Variants in CCT3 observed in about 807,000 individuals in gnomAD.
CCT3 encodes chaperonin containing TCP1 subunit 3, also known as T-complex protein 1 subunit gamma.
CCT3 carries 10 observed loss-of-function variants against 65.3 expected under a neutral mutation model. The observed-to-expected ratio is 0.15, with a 90% confidence interval of 0.09 to 0.26. The LOEUF is 0.26. Ranked by LOEUF, CCT3 falls within the 10% of genes least tolerant of loss-of-function variation. CCT3 has a pLI of 1.00. For synonymous variants in CCT3, 225 were observed against 242.3 expected (o/e 0.93, Z 0.66); for missense variants, 626 against 708.7 (o/e 0.88, Z 1.33).
Position 156,310,986 on chromosome 1 carries a change from A to G in CCT3, c.1365T>C (p.Cys455=), listed in dbSNP as rs1664062899. The G allele has an allele frequency of 3.7e-6, 6 of 1,614,178 alleles. No homozygotes were observed. The highest frequency in any genetic ancestry group is 2.7e-5 in the African/African-American group (2 of 75,056). ...TAAGTAGACGGATGGTGCTGGCCCC[A>G]CAGTTCTGGATCAGGGTACGAGGAA... ...EVIPRTLIQN[C]GASTIRLLTS... is the part of the protein sequence containing the mutation. Residue 455 remains cysteine (C), a synonymous_variant, in exon 12 of 14, where the codon TGT becomes TGC. Coordinates refer to ENST00000295688, the MANE Select transcript of CCT3 (RefSeq NM_005998.5).
chr1:156,312,260 A>C (rs1297773371), intron 10 of CCT3, 39 bp from the exon 11 acceptor site: 6 of 1,593,154 alleles, frequency 3.8e-6, no homozygotes, highest in Non-Finnish European at 5.1e-6. Context: ...AGATGATTTC[A>C]GATACTTGTA....
chr1:156,333,706 G>C, intron 4 of CCT3, 63 bp from the exon 5 acceptor site: 1 of 1,252,320 alleles, frequency 8.0e-7, no homozygotes, highest in East Asian at 2.3e-5. Flanking sequence ...ATGAAGCTTG[G>C]CCCTAACTCT....
chr1:156,319,052 C>G, intron 7 of CCT3, 35 bp from the exon 8 acceptor site: 2 of 1,545,068 alleles, frequency 1.3e-6, no homozygotes, highest in Non-Finnish European at 1.8e-6. Flanking sequence ...AATCCACAAT[C>G]AAGAGACAAT....
At chr1:156,327,281 C>T (rs925551590) in intron 5 of CCT3, among the ~76,000 whole-genome samples, 1 of 152,086 alleles carries the variant, frequency 6.6e-6, no homozygotes, top group South Asian at 2.1e-4. Flanking sequence ...CTCCCCTCTC[C>T]CCTCTCCCTC....
rs781492850 is a variant in CCT3 at position 156,337,084 on chromosome 1, G to A, written c.31+1070C>T. 17 of 1,285,802 alleles carry A rather than the reference G, an allele frequency of 1.3e-5. No homozygotes were observed. In the South Asian group the frequency reaches 2.0e-4, roughly 15 times the overall value. 79.6% of individuals were successfully genotyped at this position (1,285,802 alleles called of 1,614,324 possible). A position where few individuals can be genotyped will look rare whatever the true frequency, so the allele number is the denominator to read the frequency against. ...CACACAGAATGGAAACATACCAAAGGAAGACAATGGAGGTGGTGCTCATCA... is the reference window on the plus strand; with the variant it reads ...CACACAGAATGGAAACATACCAAAGAAAGACAATGGAGGTGGTGCTCATCA... On this transcript the variant is annotated intron_variant, in intron 1 of 13. Coordinates refer to ENST00000295688, the MANE Select transcript of CCT3 (RefSeq NM_005998.5).
chr1:156,315,755 ACT>A (rs1328102702), intron 10 of CCT3, among the ~76,000 whole-genome samples: 1 of 152,138 alleles, frequency 6.6e-6, no homozygotes, highest in African/African-American at 2.4e-5. Context: ...ACTAGTCATC[ACT>A]ACTATAACCA....
chr1:156,337,824 A>G, intron 1 of CCT3: 1 of 398,614 alleles, frequency 2.5e-6, no homozygotes. Context: ...TTATTCGTGC[A>G]GCTACATAGC....
At chr1:156,333,360 C>A (rs1376011292) in intron 5 of CCT3, 187 bp downstream of exon 5, 1 of 549,842 alleles carries the variant, frequency 1.8e-6, no homozygotes, top group South Asian at 2.2e-5. Context: ...AGTTTATCAG[C>A]CAGATTTGCA....
In CCT3 at chr1:156,325,014, C is replaced by T. The variant is rs775521995; in HGVS notation, c.380G>A (p.Arg127His). 38 of 1,613,278 alleles carry T rather than the reference C, an allele frequency of 2.4e-5. No individual in the cohort carries two copies. The highest frequency in any genetic ancestry group is 3.3e-5 in the South Asian group (3 of 91,070). Reference sequence around the variant, plus strand: ...GCTGATCATATCATCCAATGCCTTGCGGTAAGCACTGATCACCACTGTTGG... The same window carrying T: ...GCTGATCATATCATCCAATGCCTTGTGGTAAGCACTGATCACCACTGTTGG... ...MHPTVVISAY[R>H]KALDDMISTL... The change falls in exon 6 of 14, where the codon CGC becomes CAC. Residue 127 changes from arginine (R) to histidine (H), a missense_variant. Physicochemically the swap from Arg to His is conservative, Grantham distance 29 (BLOSUM62 0). Transcript: ENST00000295688.
Position 156,318,931 on chromosome 1 carries a change from A to G in CCT3, c.696T>C (p.Tyr232=). The stretch of plus-strand genomic sequence containing the variant: ...GCAGCACAATGCGAGGGTTCTTGAT[A>G]TAGCGCCGCATACGTGGATGGGTCA... ...KDVTHPRMRR[Y]IKNPRIVLLD... The change falls in exon 8 of 14, where the codon TAT becomes TAC. Residue 232 remains tyrosine, a synonymous_variant. Coordinates refer to ENST00000295688, the MANE Select transcript of CCT3 (RefSeq NM_005998.5). 1 of 1,614,152 alleles carries G rather than the reference A, an allele frequency of 6.2e-7. No individual in the cohort carries two copies. Among genetic ancestry groups the G allele is most frequent in the African/African-American group, 1.3e-5 (1 of 75,042 alleles).
In CCT3 at chr1:156,334,763, G is replaced by C; in HGVS notation, c.157C>G (p.Pro53Ala). 1 of 1,613,946 alleles carries C rather than the reference G, an allele frequency of 6.2e-7. No homozygotes were observed. Among genetic ancestry groups the C allele is most frequent in the South Asian group, 1.1e-5 (1 of 91,066 alleles). ...PKSMMKMLLD[P>A]MGGIVMTNDG... ...TTGGTCATCACAATGCCTCCCATTG[G>C]GTCCAAAAGCATCTAAGATGAAAGC... The change falls in exon 4 of 14, where the codon CCA (proline) becomes GCA (alanine). Residue 53 changes from proline (P) to alanine (A), a missense_variant. Coordinates refer to ENST00000295688, the MANE Select transcript of CCT3 (RefSeq NM_005998.5).
At chr1:156,327,624 G>A (rs563641207) in intron 5 of CCT3, among the ~76,000 whole-genome samples, 2 of 152,148 alleles carry the variant, frequency 1.3e-5, no homozygotes, top group Admixed American at 1.3e-4. Flanking sequence ...GTGCAGTGGC[G>A]TGATCTCGGC....
At chr1:156,323,454 T>G (rs950902343) in intron 6 of CCT3, among the ~76,000 whole-genome samples, 1 of 151,864 alleles carries the variant, frequency 6.6e-6, no homozygotes, top group African/African-American at 2.4e-5. Flanking sequence ...GGAAAAAATA[T>G]ACATTTTTAT....
intron 11 of CCT3, 74 bp downstream of exon 11, chr1:156,311,967 T>G: frequency 1.6e-6 from 2 of 1,253,236 alleles, no homozygotes; most frequent in South Asian, 1.8e-5. Context: ...ACAGAATTAT[T>G]TTAGGCCCTT....
chr1:156,337,863 C>A (rs1270265754), intron 1 of CCT3: 10 of 491,212 alleles, frequency 2.0e-5, no homozygotes, highest in Admixed American at 1.8e-4. Context: ...GGCGCAGGGG[C>A]GGGGGAAGCG....
intron 5 of CCT3, among the ~76,000 whole-genome samples, chr1:156,331,691 A>G (rs1241282785): frequency 6.6e-6 from 1 of 150,496 alleles, no homozygotes; most frequent in Non-Finnish European, 1.5e-5. Flanking sequence ...TCAAAAACAT[A>G]AATAAATAAA....
In CCT3 at chr1:156,318,794, C is replaced by T. The variant is rs369021740; in HGVS notation, c.759+74G>A. On this transcript the variant is annotated intron_variant, in intron 8 of 13. Transcript: ENST00000295688. ...ACCCAGAAGGCATGCAATAAACATA[C>T]GTTTTATTTCTGTTGTTCATATTTG... 1.5e-4 allele frequency: 214 copies of T among 1,425,216 alleles called. No individual in the cohort carries two copies. In the African/African-American group the frequency reaches 2.5e-3, roughly 17 times the overall value. 88.3% of individuals were successfully genotyped at this position (1,425,216 alleles called of 1,614,324 possible).
chr1:156,321,054 G>A (rs1270411084), intron 6 of CCT3, 29 bp from the exon 7 acceptor site: 1 of 1,582,964 alleles, frequency 6.3e-7, no homozygotes, highest in Non-Finnish European at 8.7e-7. Flanking sequence ...GACGATATGT[G>A]AAGAAGGCAT....
intron 6 of CCT3, among the ~76,000 whole-genome samples, chr1:156,323,764 C>T (rs377366937): frequency 5.9e-4 from 88 of 149,908 alleles, no homozygotes; most frequent in African/African-American, 1.5e-3. Context: ...CGCACCCAGC[C>T]CTATTTTTAT....
Sources: allele counts gnomAD v4.1 joint callset (sites outside exome capture counted in the v4.1 genomes callset), GRCh38; gene constraint gnomAD v4.1.1; transcripts MANE v1.5; gene names NCBI Gene and HGNC (gene_info 2026-07-23, HGNC 2026-07-21).